Variants in MARCHF1 observed in about 807,000 individuals in gnomAD.
MARCHF1 encodes membrane associated ring-CH-type finger 1, also known as E3 ubiquitin-protein ligase MARCHF1.
Under a neutral mutation model 54.2 loss-of-function variants are expected in MARCHF1, and 40 were observed. The ratio of observed to expected loss-of-function variants is 0.74; its 90% CI spans 0.57 to 0.96. The LOEUF (loss-of-function observed/expected upper bound fraction) is 0.96, where lower values mean the gene tolerates loss of function less well. MARCHF1 is among the 40% of genes least tolerant of loss of function. The pLI is 0.00. For synonymous variants in MARCHF1, 236 were observed against 236.3 expected, an observed-to-expected ratio of 1.00 and a Z score of 0.01; for missense variants, 586 against 656.5, an observed-to-expected ratio of 0.89 and a Z score of 1.17.
intron 1 of MARCHF1, among the ~76,000 whole-genome samples, chr4:164,267,128 A>G (rs901982407): frequency 2.0e-5 from 3 of 152,162 alleles, no homozygotes; most frequent in African/African-American, 4.8e-5. Context: ...AAGAAATTGT[A>G]TGGAAGGAAG....
At chr4:164,040,322 A>G (rs1056683921) in intron 2 of MARCHF1, among the ~76,000 whole-genome samples, 15 of 140,434 alleles carry the variant, frequency 1.1e-4, no homozygotes, top group African/African-American at 3.4e-4. Context: ...ATAAATATGT[A>G]TAAATACTTA....
At chr4:164,253,583 A>G (rs1029591635) in intron 1 of MARCHF1, among the ~76,000 whole-genome samples, 1 of 152,096 alleles carries the variant, frequency 6.6e-6, no homozygotes, top group African/African-American at 2.4e-5. Context: ...TTGGGGGAAA[A>G]ATATTGATTG....
chr4:163,724,326 G>T (rs549495521), intron 4 of MARCHF1, among the ~76,000 whole-genome samples: 2 of 152,204 alleles, frequency 1.3e-5, no homozygotes, highest in African/African-American at 4.8e-5. Context: ...GCAGAACAGC[G>T]AATATTGCTG....
chr4:164,311,073 G>A (rs1734838670), intron 1 of MARCHF1, among the ~76,000 whole-genome samples: 1 of 152,110 alleles, frequency 6.6e-6, no homozygotes, highest in African/African-American at 2.4e-5. Context: ...TCTAAATGCT[G>A]AATTTGCCTC....
intron 2 of MARCHF1, among the ~76,000 whole-genome samples, chr4:164,040,229 A>G: frequency 6.9e-6 from 1 of 144,412 alleles, no homozygotes; most frequent in Non-Finnish European, 1.5e-5. Flanking sequence ...CTATATGTAC[A>G]CATGTATATA....
At chr4:164,346,398 C>G (rs1730098093) in intron 1 of MARCHF1, among the ~76,000 whole-genome samples, 1 of 151,984 alleles carries the variant, frequency 6.6e-6, no homozygotes, top group African/African-American at 2.4e-5. Context: ...TTATAATTTT[C>G]TACAATCCAC....
chr4:164,344,769 A>G (rs78080687), intron 1 of MARCHF1, among the ~76,000 whole-genome samples: 15,680 of 152,132 alleles, frequency 0.1, 1,389 homozygotes, highest in East Asian at 0.3. Flanking sequence ...CCATCCATCA[A>G]CATACAAAGA....
At chr4:164,169,125 T>C (rs901914311) in intron 1 of MARCHF1, among the ~76,000 whole-genome samples, 1 of 152,148 alleles carries the variant, frequency 6.6e-6, no homozygotes, top group Admixed American at 6.6e-5. Context: ...TGTGAGATAA[T>C]AGATATGTTC....
chr4:164,369,508 A>G (rs1730973784), intron 1 of MARCHF1, among the ~76,000 whole-genome samples: 1 of 152,154 alleles, frequency 6.6e-6, no homozygotes, highest in Non-Finnish European at 1.5e-5. Context: ...AATAGTAATA[A>G]CTGCCAACTG....
intron 4 of MARCHF1, among the ~76,000 whole-genome samples, chr4:163,849,592 A>T (rs898813937): frequency 2.0e-5 from 3 of 152,140 alleles, no homozygotes; most frequent in African/African-American, 7.2e-5. Flanking sequence ...ATTCCTACAG[A>T]TCCATTAGTC....
intron 4 of MARCHF1, among the ~76,000 whole-genome samples, chr4:163,785,681 C>T (rs1747598132): frequency 6.6e-6 from 1 of 151,500 alleles, no homozygotes; most frequent in Admixed American, 6.6e-5. Flanking sequence ...TAATATATTC[C>T]CATAGTACCT....
At chr4:164,342,468 T>C (rs564472892) in intron 1 of MARCHF1, among the ~76,000 whole-genome samples, 3 of 152,056 alleles carry the variant, frequency 2.0e-5, no homozygotes, top group Admixed American at 1.3e-4. Flanking sequence ...GGCACATGTA[T>C]ACATATGTAA....
chr4:163,988,875 T>G (rs1167044706), intron 2 of MARCHF1, 166 bp from the exon 3 acceptor site: 1 of 152,190 alleles, frequency 6.6e-6, no homozygotes, highest in African/African-American at 2.4e-5. Flanking sequence ...AAGTCATAAT[T>G]GAACTGCTTT....
chr4:164,257,399 A>G (rs1347233809), intron 1 of MARCHF1, among the ~76,000 whole-genome samples: 1 of 151,934 alleles, frequency 6.6e-6, no homozygotes, highest in African/African-American at 2.4e-5. Flanking sequence ...AACCTTAGAG[A>G]TATATTGGAG....
chr4:163,831,517 G>A (rs1055098815), intron 4 of MARCHF1, among the ~76,000 whole-genome samples: 3 of 152,192 alleles, frequency 2.0e-5, no homozygotes, highest in Non-Finnish European at 2.9e-5. Flanking sequence ...CTTGAGTCCA[G>A]GAGTTGGTGG....
At chr4:164,170,720 T>A (rs1440753705) in intron 1 of MARCHF1, among the ~76,000 whole-genome samples, 1 of 152,092 alleles carries the variant, frequency 6.6e-6, no homozygotes, top group African/African-American at 2.4e-5. Context: ...GTCATTTAAA[T>A]CTGATTAGAA....
chr4:163,723,535 G>A (rs545667029), intron 4 of MARCHF1, among the ~76,000 whole-genome samples: 1 of 152,146 alleles, frequency 6.6e-6, no homozygotes, highest in Admixed American at 6.5e-5. Context: ...TATCTTTGTG[G>A]CGTTCTCTGT....
chr4:163,570,994 C>T lies in MARCHF1; in HGVS notation c.1191+14755G>A, dbSNP rs1487905124. ...GGACTAAGCAGATCTCTACAGATAC[C>T]GTTAGTAATTTTCCTCATCCAATTT... On this transcript the variant is annotated intron_variant, in intron 8 of 9. Transcript: ENST00000514618. Among the ~76,000 whole-genome samples the T allele has an allele frequency of 1.1e-4, 16 of 152,156 alleles. No homozygotes were observed. In the South Asian group the frequency reaches 2.9e-3, roughly 28 times the overall value.
intron 4 of MARCHF1, among the ~76,000 whole-genome samples, chr4:163,755,715 G>A (rs898843225): frequency 7.2e-5 from 11 of 151,844 alleles, no homozygotes; most frequent in African/African-American, 2.7e-4. Context: ...AAATAAGTAT[G>A]GAAGCCATGC....
Sources: allele counts gnomAD v4.1 joint callset (sites outside exome capture counted in the v4.1 genomes callset), GRCh38; gene constraint gnomAD v4.1.1; transcripts MANE v1.5; gene names NCBI Gene and HGNC (gene_info 2026-07-23, HGNC 2026-07-21).